PCDHA10: variants seen among roughly 807,000 people sequenced by gnomAD.
PCDHA10 encodes protocadherin alpha-10.
PCDHA10 carries 45 observed loss-of-function variants against 61.2 expected under a neutral mutation model. The observed-to-expected ratio is 0.74, with a 90% confidence interval of 0.58 to 0.94. The LOEUF is 0.94. Ranked by LOEUF, PCDHA10 falls within the 40% of genes least tolerant of loss-of-function variation. The pLI is 0.00. For synonymous variants in PCDHA10, 602 were observed against 548.8 expected, an observed-to-expected ratio of 1.10 and a Z score of -1.35; for missense variants, 1,278 against 1,236.2, an observed-to-expected ratio of 1.03 and a Z score of -0.51.
At chr5:140,907,239 C>T (rs1447900433) in intron 1 of PCDHA10, among the ~76,000 whole-genome samples, 1 of 152,200 alleles carries the variant, frequency 6.6e-6, no homozygotes, top group Non-Finnish European at 1.5e-5. Context: ...ACCTAGTTGA[C>T]ATTGTAATTG....
chr5:140,886,565 C>T (rs1298575680), intron 1 of PCDHA10, among the ~76,000 whole-genome samples: 1 of 152,100 alleles, frequency 6.6e-6, no homozygotes, highest in Admixed American at 6.5e-5. Flanking sequence ...CGGTGGCTCA[C>T]GCCTGTAATC....
Position 140,884,200 on chromosome 5 carries a change from C to T in PCDHA10, c.2388+25764C>T, listed in dbSNP as rs2060048327. 2.5e-6 allele frequency: 4 copies of T among 1,613,458 alleles called. No individual in the cohort carries two copies. The Admixed American group carries it at 5.0e-5, about 20-fold the overall frequency. Reference sequence around the variant, plus strand: ...CTCTGGACGAGGTGGACGCGCCGCACCACCGCCTTCTGGTGCTGGTGAAGG... The same window carrying T: ...CTCTGGACGAGGTGGACGCGCCGCATCACCGCCTTCTGGTGCTGGTGAAGG... On this transcript the variant is annotated intron_variant, in intron 1 of 3. Transcript: ENST00000307360.
chr5:140,927,499 C>G (rs781977423), intron 1 of PCDHA10: 1 of 1,614,136 alleles, frequency 6.2e-7, no homozygotes, highest in Admixed American at 1.7e-5. Context: ...CCTGCTGGTG[C>G]TTACAGCTCG....
At chr5:140,970,909 A>G (rs1356718314) in intron 1 of PCDHA10, among the ~76,000 whole-genome samples, 1 of 152,180 alleles carries the variant, frequency 6.6e-6, no homozygotes, top group African/African-American at 2.4e-5. Context: ...AGATTTATTC[A>G]TTTATCAGAA....
At chr5:140,875,229 T>C (rs893316010) in intron 1 of PCDHA10, 7 of 838,964 alleles carry the variant, frequency 8.3e-6, no homozygotes, top group Non-Finnish European at 1.2e-5. Flanking sequence ...TCAGGATCTT[T>C]CTTGTACTTA....
chr5:140,930,917 G>A (rs528997377), intron 1 of PCDHA10, among the ~76,000 whole-genome samples: 3 of 152,272 alleles, frequency 2.0e-5, no homozygotes, highest in African/African-American at 7.2e-5. Context: ...TACTTTAGAT[G>A]TGTATATGTG....
chr5:140,881,301 A>C (rs1432436745), intron 1 of PCDHA10: 2 of 957,940 alleles, frequency 2.1e-6, no homozygotes, highest in Admixed American at 1.2e-4. Context: ...TGGAAACTTT[A>C]ACCTCCTGGT....
chr5:140,920,841 TAA>T (rs781921146), intron 1 of PCDHA10, among the ~76,000 whole-genome samples: 15 of 109,130 alleles, frequency 1.4e-4, no homozygotes, highest in Admixed American at 1.9e-4. Flanking sequence ...AGACCAAATC[TAA>T]AAAAAAAAAA....
chr5:140,929,430 A>G, intron 1 of PCDHA10: 1 of 1,490,684 alleles, frequency 6.7e-7, no homozygotes, highest in Non-Finnish European at 9.0e-7. Flanking sequence ...CATCAATTGA[A>G]CTAAACACTC....
intron 3 of PCDHA10, among the ~76,000 whole-genome samples, chr5:140,982,864 T>G (rs1294289316): frequency 1.3e-5 from 2 of 152,114 alleles, no homozygotes; most frequent in Non-Finnish European, 2.9e-5. Flanking sequence ...TTCAAATGCT[T>G]AGGTCATCCA....
In PCDHA10 at chr5:140,877,310, C is replaced by T. The variant is rs371801888; in HGVS notation, c.2388+18874C>T. ...GCTTGGCTGTCCTACGAGTTGCAACCGGCGGCGGTCGGCGCGCACATCCCG... is the reference window on the plus strand; with the variant it reads ...GCTTGGCTGTCCTACGAGTTGCAACTGGCGGCGGTCGGCGCGCACATCCCG... On this transcript the variant is annotated intron_variant, in intron 1 of 3. Transcript: ENST00000307360. 16 of 1,613,820 alleles carry T rather than the reference C, an allele frequency of 9.9e-6. No homozygotes were observed. In the African/African-American group the frequency reaches 1.9e-4, roughly 19 times the overall value.
chr5:140,966,176 T>G (rs2095977016), intron 1 of PCDHA10: 1 of 188,102 alleles, frequency 5.3e-6, no homozygotes, highest in African/African-American at 2.3e-5. Context: ...CCTGGGGAGC[T>G]GATAGCCAGA....
Position 140,869,569 on chromosome 5 carries a change from G to A in PCDHA10, c.2388+11133G>A, listed in dbSNP as rs200465902. ...ATCGGACTCGCGTTTTCCACTAGAG[G>A]GAGCTTCTGATGCTGACATTGAAGA... On this transcript the variant is annotated intron_variant, in intron 1 of 3. Coordinates refer to ENST00000307360, the MANE Select transcript of PCDHA10 (RefSeq NM_018901.4). 4.4e-4 allele frequency: 718 copies of A among 1,614,118 alleles called. 4 individuals carry two copies. The African/African-American group carries it at 8.4e-3, about 19-fold the overall frequency.
intron 1 of PCDHA10, among the ~76,000 whole-genome samples, chr5:140,937,158 C>T (rs969335051): frequency 2.6e-5 from 4 of 151,874 alleles, no homozygotes; most frequent in Non-Finnish European, 4.4e-5. Context: ...CTGCCTCAGC[C>T]TCCCGAGTAG....
At position 141,010,354 on chromosome 5, in the gene PCDHA10, C is replaced by A. The variant is rs1359778786; in HGVS notation, c.*417C>A. On this transcript the variant is annotated 3_prime_UTR_variant, in exon 4 of 4. Coordinates refer to ENST00000307360, the MANE Select transcript of PCDHA10 (RefSeq NM_018901.4). ...GTTTGTGGCCACTGGGTATGTGTGG[C>A]TACCGCGGGTATGCGAGTGCCAGAT... The A allele has an allele frequency of 2.0e-6, 3 of 1,506,078 alleles. No homozygotes were observed. The highest frequency in any genetic ancestry group is 4.4e-5 in the Admixed American group (2 of 45,166). 93.3% of individuals were successfully genotyped at this position (1,506,078 alleles called of 1,614,324 possible).
At chr5:140,882,802 C>T (rs782615396) in intron 1 of PCDHA10, 21 of 1,614,206 alleles carry the variant, frequency 1.3e-5, no homozygotes, top group Non-Finnish European at 1.5e-5. Context: ...ACGATTATTT[C>T]ACTTTGGACG....
rs1478776734 is a variant in PCDHA10 at position 141,010,917 on chromosome 5, A to G, written c.*980A>G. ...TACAATTCCCCTAAACTCTCCTCAA[A>G]AGAGAATTCAGTCTACAGCCATTTA... On this transcript the variant is annotated 3_prime_UTR_variant, in exon 4 of 4. Coordinates refer to ENST00000307360, the MANE Select transcript of PCDHA10 (RefSeq NM_018901.4). The G allele has an allele frequency of 6.5e-6, 1 of 153,776 alleles. No homozygotes were observed. The highest frequency in any genetic ancestry group is 1.5e-5 in the Non-Finnish European group (1 of 68,048). The allele number at this position is 153,776 out of a possible 1,614,324, so 9.5% of individuals were successfully genotyped here.
In PCDHA10 at chr5:140,857,341, G is replaced by T. The variant is rs782659858; in HGVS notation, c.1293G>T (p.Ser431=). 6.3e-7 allele frequency: 1 copy of T among 1,598,438 alleles called. No homozygotes were observed. The highest frequency in any genetic ancestry group is 1.1e-5 in the South Asian group (1 of 90,512). ...TGGTGACCGCGCGGGACGGGGGCTC[G>T]CCTCCGCTGTGGGCCACGGCCAGCG... ...ELVVTARDGG[S]PPLWATASVS... is the part of the protein sequence containing the mutation. Residue 431 remains serine (S), a synonymous_variant, in exon 1 of 4, where the codon TCG becomes TCT. Coordinates refer to ENST00000307360, the MANE Select transcript of PCDHA10 (RefSeq NM_018901.4).
chr5:140,920,282 T>C (rs1554199556), intron 1 of PCDHA10, among the ~76,000 whole-genome samples: 1 of 152,218 alleles, frequency 6.6e-6, no homozygotes, highest in African/African-American at 2.4e-5. Context: ...TAATCTTATA[T>C]TTTTTAGAGG....
Sources: allele counts gnomAD v4.1 joint callset (sites outside exome capture counted in the v4.1 genomes callset), GRCh38; gene constraint gnomAD v4.1.1; transcripts MANE v1.5; gene names NCBI Gene and HGNC (gene_info 2026-07-23, HGNC 2026-07-21).